Variants in ANO1 observed in about 807,000 individuals in gnomAD.
ANO1 encodes anoctamin 1.
ANO1 carries 59 observed loss-of-function variants against 124.0 expected under a neutral mutation model. The observed-to-expected ratio is 0.48, with a 90% CI of 0.39 to 0.59. The LOEUF is 0.59. ANO1 is among the 20% of genes least tolerant of loss of function. The pLI is 0.00. For synonymous variants in ANO1, 529 were observed against 532.0 expected, an observed-to-expected ratio of 0.99 and a Z score of 0.08; for missense variants, 1,059 against 1,328.0, an observed-to-expected ratio of 0.80 and a Z score of 3.15.
At chr11:69,985,337 G>A (rs1231479179), upstream of ANO1, among the ~76,000 whole-genome samples, 22 of 138,138 alleles carry the variant, frequency 1.6e-4, no homozygotes, top group Admixed American at 1.5e-3. Context: ...GAGGGAACCC[G>A]GGGAGGGGAG....
intron 1 of ANO1, chr11:70,020,749 C>A (rs1389691578): frequency 4.6e-5 from 7 of 152,266 alleles, no homozygotes; most frequent in African/African-American, 1.7e-4. Flanking sequence ...CCAGTTTAGA[C>A]CCAGGGGGCA....
At chr11:69,978,836 C>T in the ANO1 span, among the ~76,000 whole-genome samples, 3 of 152,316 alleles carry the variant, frequency 2.0e-5, no homozygotes, top group African/African-American at 7.2e-5. Flanking sequence ...AAAGCACTTT[C>T]TATATGAAGC....
At chr11:70,055,181 A>G (rs1400446325) in intron 1 of ANO1, among the ~76,000 whole-genome samples, 2 of 152,076 alleles carry the variant, frequency 1.3e-5, no homozygotes, top group Admixed American at 6.6e-5. Context: ...ATTGTGGTAA[A>G]TGATTTTTTG....
intron 1 of ANO1, among the ~76,000 whole-genome samples, chr11:70,029,197 G>A (rs1292155944): frequency 1.3e-5 from 2 of 152,222 alleles, no homozygotes; most frequent in East Asian, 1.9e-4. Context: ...AATGAGGCAC[G>A]AGCAGAGCCT....
At chr11:70,072,333 A>G (rs1243614378) in intron 1 of ANO1, 1 of 152,252 alleles carries the variant, frequency 6.6e-6, no homozygotes, top group Non-Finnish European at 1.5e-5. Flanking sequence ...AGAGACCCCC[A>G]ACCTGGCAGA....
chr11:70,029,002 G>A (rs782604820), intron 1 of ANO1, among the ~76,000 whole-genome samples: 5 of 152,068 alleles, frequency 3.3e-5, no homozygotes, highest in African/African-American at 7.2e-5. Context: ...GGCTGCTCTC[G>A]AACTCCTGAC....
At chr11:70,156,079 A>AT (rs34657087) in intron 15 of ANO1, 91 bp downstream of exon 15, 47 of 1,039,996 alleles carry the variant, frequency 4.5e-5, no homozygotes, top group South Asian at 7.1e-5. Context: ...TGTTGTATAT[A>AT]TTTTTTTTTA....
intron 1 of ANO1, among the ~76,000 whole-genome samples, chr11:70,005,432 C>T (rs906632838): frequency 6.6e-6 from 1 of 152,126 alleles, no homozygotes; most frequent in Non-Finnish European, 1.5e-5. Context: ...GGAAATAAAA[C>T]GTTCTTGTTG....
intron 1 of ANO1, among the ~76,000 whole-genome samples, chr11:70,023,958 G>A (rs1555002895): frequency 1.3e-5 from 2 of 152,236 alleles, no homozygotes; most frequent in African/African-American, 4.8e-5. Flanking sequence ...TACTATCCAG[G>A]ATTGCTTGGG....
intron 14 of ANO1, among the ~76,000 whole-genome samples, chr11:70,154,481 T>C (rs1473902133): frequency 2.0e-5 from 3 of 148,348 alleles, no homozygotes; most frequent in Admixed American, 6.7e-5. Context: ...TTTTTTTTTT[T>C]TTTGAGAGGG....
chr11:70,057,494 G>T (rs573852658), intron 1 of ANO1, among the ~76,000 whole-genome samples: 1 of 152,084 alleles, frequency 6.6e-6, no homozygotes. Flanking sequence ...TCACCTGGGT[G>T]CAGGCGAGGC....
intron 1 of ANO1, among the ~76,000 whole-genome samples, chr11:70,061,853 C>A (rs950818887): frequency 1.3e-5 from 2 of 152,146 alleles, no homozygotes; most frequent in Admixed American, 1.3e-4. Flanking sequence ...TAGGGTCAAC[C>A]AATTAGGGGA....
At position 70,161,733 on chromosome 11, in the gene ANO1, G is replaced by T; in HGVS notation, c.1892G>T (p.Arg631Leu). ...PIFYVAFFKG[R>L]FVGRPGDYVY... is the part of the protein sequence containing the mutation. ...TTTTACGTGGCGTTCTTCAAAGGCC[G>T]GTAGGGACATCTTCAGCCTTTCCCC... Residue 631 changes from arginine to leucine, a missense_variant and splice_region_variant, in exon 18 of 26, where the codon CGG becomes CTG. Physicochemically the swap from Arg to Leu is moderately radical, Grantham distance 102. Coordinates refer to ENST00000355303, the MANE Select transcript of ANO1 (RefSeq NM_018043.7). 6.2e-7 allele frequency: 1 copy of T among 1,613,490 alleles called. No homozygotes were observed. The highest frequency in any genetic ancestry group is 8.5e-7 in the Non-Finnish European group (1 of 1,179,394).
chr11:70,152,077 C>CT (rs2047621809), intron 12 of ANO1, among the ~76,000 whole-genome samples: 1 of 152,144 alleles, frequency 6.6e-6, no homozygotes, highest in African/African-American at 2.4e-5. Flanking sequence ...TGGCTCACGC[C>CT]TGTAACCCCA....
chr11:70,125,516 C>CAAA (rs112512145), intron 9 of ANO1, among the ~76,000 whole-genome samples: 1 of 86,826 alleles, frequency 1.2e-5, no homozygotes, highest in African/African-American at 4.5e-5. Context: ...AACTCTATCT[C>CAAA]AAAAAAAAAA....
At chr11:70,034,463 G>A (rs1181601805) in intron 1 of ANO1, among the ~76,000 whole-genome samples, 15 of 152,202 alleles carry the variant, frequency 9.9e-5, no homozygotes, top group Admixed American at 7.9e-4. Flanking sequence ...CATGCCAGGA[G>A]AGGGAGTCAA....
chr11:70,126,319 G>A (rs1023804089), intron 10 of ANO1, 124 bp downstream of exon 10: 23 of 1,245,840 alleles, frequency 1.8e-5, no homozygotes, highest in African/African-American at 3.1e-5. Context: ...GAAACCTCAC[G>A]CCAAGCCACG....
At chr11:70,170,274 C>T (rs2048410460) in intron 21 of ANO1, 1 of 410,460 alleles carries the variant, frequency 2.4e-6, no homozygotes, top group East Asian at 7.3e-5. Flanking sequence ...GGCCTTTGAG[C>T]TCACGATGGT....
chr11:70,041,090 G>A (rs956433440), intron 1 of ANO1, among the ~76,000 whole-genome samples: 7 of 152,160 alleles, frequency 4.6e-5, no homozygotes, highest in Non-Finnish European at 8.8e-5. Context: ...AGGCTGTGAT[G>A]CTTTGGGGCA....
Sources: gnomAD v4.1 joint callset for allele counts (sites outside exome capture counted in the v4.1 genomes callset) on GRCh38, gnomAD v4.1.1 for gene constraint, MANE v1.5 for transcripts, NCBI Gene and HGNC (gene_info 2026-07-23, HGNC 2026-07-21) for gene names.